The following DOCK11 variants were observed in gnomAD, a reference collection of about 807,000 sequenced individuals.
The protein encoded by DOCK11 is dedicator of cytokinesis protein 11.
DOCK11 carries 70 observed loss-of-function variants against 169.1 expected under a neutral mutation model. That is an observed-to-expected ratio of 0.41 (90% CI 0.34 to 0.51). The LOEUF is 0.51. Ranked by LOEUF, DOCK11 falls within the 20% of genes least tolerant of loss-of-function variation. DOCK11 has a pLI of 0.10. For missense variants in DOCK11, 1,166 were observed against 1,538.8 expected, an observed-to-expected ratio of 0.76 and a Z score of 4.05; for synonymous variants, 529 against 541.3, an observed-to-expected ratio of 0.98 and a Z score of 0.32.
At chrX:118,594,791 G>A (rs1398646342) in intron 20 of DOCK11, among the ~76,000 whole-genome samples, 2 of 111,590 alleles carry the variant, frequency 1.8e-5, no homozygotes, top group Admixed American at 9.6e-5. Flanking sequence ...AATCAGAGAA[G>A]GCTTCTAGGA....
chrX:118,637,530 C>G (rs139426890), intron 36 of DOCK11, among the ~76,000 whole-genome samples: 6,639 of 111,284 alleles, frequency 0.06, 182 homozygotes, highest in Non-Finnish European at 0.081. Flanking sequence ...GAAGCTGAGG[C>G]AGGAGGATCA....
intron 1 of DOCK11, among the ~76,000 whole-genome samples, chrX:118,524,244 C>T (rs1364718973): frequency 8.9e-6 from 1 of 111,907 alleles, no homozygotes; most frequent in Non-Finnish European, 1.9e-5. Context: ...GAGAATACCT[C>T]AGTTCTTGTT....
chrX:118,590,212 T>C lies in DOCK11; in HGVS notation c.2049T>C (p.Cys683=), dbSNP rs1027040279. 1 of 1,203,758 alleles carries C rather than the reference T, an allele frequency of 8.3e-7. No homozygotes were observed. The highest frequency in any genetic ancestry group is 1.8e-5 in the African/African-American group (1 of 57,128). The change falls in exon 19 of 53, where the codon TGT becomes TGC. Residue 683 remains cysteine, a splice_region_variant and synonymous_variant. Transcript: ENST00000276202. The part of the protein sequence containing the change: ...SDESDASALK[C]IYGKPAGSVF... ...GACTCTGTTTCTTTCTTTTGCAGTG[T>C]ATTTATGGAAAACCTGCAGGGTCTG...
intron 30 of DOCK11, among the ~76,000 whole-genome samples, chrX:118,616,532 T>TG (rs200273768): frequency 0.012 from 1,284 of 110,986 alleles, 19 homozygotes; most frequent in African/African-American, 0.04. Flanking sequence ...TACTTGTTTT[T>TG]TTTTTGTTTT....
intron 16 of DOCK11, among the ~76,000 whole-genome samples, chrX:118,585,849 C>T (rs749552981): frequency 9.6e-4 from 107 of 111,516 alleles, no homozygotes; most frequent in Non-Finnish European, 1.6e-3. Flanking sequence ...ATAGAAGACA[C>T]AAAACACAAT....
At chrX:118,602,096 T>TC (rs1433916491) in intron 23 of DOCK11, among the ~76,000 whole-genome samples, 1 of 90,150 alleles carries the variant, frequency 1.1e-5, no homozygotes, top group Non-Finnish European at 2.1e-5. Flanking sequence ...GGCCAAGACT[T>TC]TTTTTTTTTT....
chrX:118,521,406 C>T (rs926992298), intron 1 of DOCK11, among the ~76,000 whole-genome samples: 1 of 112,513 alleles, frequency 8.9e-6, no homozygotes, highest in African/African-American at 3.2e-5. Flanking sequence ...AATTCACCTC[C>T]GTGTGTAGTT....
intron 40 of DOCK11, among the ~76,000 whole-genome samples, chrX:118,648,155 A>G (rs1422491342): frequency 1.7e-5 from 1 of 60,548 alleles, no homozygotes; most frequent in Non-Finnish European, 2.7e-5. Flanking sequence ...ATTAATATAT[A>G]ATAATATAAT....
chrX:118,573,685 T>G, intron 11 of DOCK11, 121 bp from the exon 12 acceptor site: 2 of 552,986 alleles, frequency 3.6e-6, no homozygotes, highest in South Asian at 6.5e-5. Flanking sequence ...AGTGTTGAAC[T>G]CAGAAAGGAA....
At chrX:118,552,123 C>A (rs956627330) in intron 6 of DOCK11, among the ~76,000 whole-genome samples, 1 of 108,949 alleles carries the variant, frequency 9.2e-6, no homozygotes, top group Admixed American at 9.9e-5. Flanking sequence ...AAAAATAAAA[C>A]GAAGGAAAGA....
intron 40 of DOCK11, among the ~76,000 whole-genome samples, chrX:118,647,056 G>C (rs780774449): frequency 9.1e-6 from 1 of 109,488 alleles, no homozygotes; most frequent in Admixed American, 9.9e-5. Flanking sequence ...CAGGCCACTT[G>C]TCTCTTTTGA....
chrX:118,504,009 G>T (rs1339853977), intron 1 of DOCK11, among the ~76,000 whole-genome samples: 3 of 110,612 alleles, frequency 2.7e-5, no homozygotes, highest in Non-Finnish European at 3.8e-5. Flanking sequence ...CTGCTCAGGT[G>T]CTCAGGAAGA....
chrX:118,679,665 G>GGAGGCT (rs2016693123), intron 48 of DOCK11, among the ~76,000 whole-genome samples: 2 of 111,171 alleles, frequency 1.8e-5, no homozygotes, highest in African/African-American at 6.5e-5. Context: ...CTTGAGCCCA[G>GGAGGCT]GAGGCTGAGG....
Position 118,683,033 on chromosome X carries a change from C to T in DOCK11, c.5964-46C>T, listed in dbSNP as rs777765417. The T allele has an allele frequency of 6.9e-6, 8 of 1,154,772 alleles. No homozygotes were observed. In the East Asian group the frequency reaches 2.5e-4, roughly 35 times the overall value. ...ATCAAATGGATTGTCAGTGATACTT[C>T]CTAAGAATAAATAACAAGACCTTTA... On this transcript the variant is annotated intron_variant, in intron 51 of 52. Coordinates refer to ENST00000276202, the MANE Select transcript of DOCK11 (RefSeq NM_144658.4).
Position 118,503,043 on chromosome X carries a change from T to A in DOCK11, c.102+6970T>A, listed in dbSNP as rs182262447. On this transcript the variant is annotated intron_variant, in intron 1 of 52. Coordinates refer to ENST00000276202, the MANE Select transcript of DOCK11 (RefSeq NM_144658.4). ...GGCCAGGAAATGACTTAAAATACAG[T>A]TAATATAGTTCTGGAGAGAGATAAC... Among the ~76,000 whole-genome samples, 24 of 106,660 alleles carry A rather than the reference T, an allele frequency of 2.3e-4. No homozygotes were observed. The East Asian group carries it at 6.4e-3, about 29-fold the overall frequency. The allele number at this position is 106,660 out of a possible 115,157, so 92.6% of individuals were successfully genotyped here. A position where few individuals can be genotyped will look rare whatever the true frequency, so the allele number is the denominator to read the frequency against.
At position 118,495,981 on chromosome X, in the gene DOCK11, G is replaced by A. The variant is rs1418145060; in HGVS notation, c.10G>A (p.Val4Met). The A allele has an allele frequency of 1.8e-6, 2 of 1,088,540 alleles. No homozygotes were observed. The highest frequency in any genetic ancestry group is 4.2e-5 in the South Asian group (2 of 47,438). The allele number at this position is 1,088,540 out of a possible 1,213,427, so 89.7% of individuals were successfully genotyped here. ...GCCCGCCGCCGCTGCCATGGCCGAAGTGCGCAAATTCACCAAACGGCTCAG... is the reference window on the plus strand; with the variant it reads ...GCCCGCCGCCGCTGCCATGGCCGAAATGCGCAAATTCACCAAACGGCTCAG... The part of the protein sequence containing the change: MAE[V>M]RKFTKRLSKP... Residue 4 changes from valine (V) to methionine (M), a missense_variant, in exon 1 of 53, where the codon GTG becomes ATG. Physicochemically the swap from Val to Met is conservative, Grantham distance 21. Coordinates refer to ENST00000276202, the MANE Select transcript of DOCK11 (RefSeq NM_144658.4).
chrX:118,598,966 A>C (rs1055154385), intron 22 of DOCK11, among the ~76,000 whole-genome samples, 173 bp from the exon 23 acceptor site: 8 of 111,995 alleles, frequency 7.1e-5, no homozygotes, highest in African/African-American at 2.6e-4. Flanking sequence ...GCTTGTGTAC[A>C]TGGCAGATTT....
chrX:118,643,181 G>C (rs770705234), intron 39 of DOCK11, among the ~76,000 whole-genome samples: 10 of 111,182 alleles, frequency 9.0e-5, no homozygotes, highest in Non-Finnish European at 1.9e-4. Context: ...TAGGTTAATA[G>C]AAAATACTCT....
At chrX:118,527,843 C>G (rs1361247067) in intron 1 of DOCK11, among the ~76,000 whole-genome samples, 5 of 112,022 alleles carry the variant, frequency 4.5e-5, no homozygotes, top group African/African-American at 1.3e-4. Flanking sequence ...AAAAGATGTA[C>G]ATATAGCACC....
Sources: allele counts gnomAD v4.1 joint callset (sites outside exome capture counted in the v4.1 genomes callset), GRCh38; gene constraint gnomAD v4.1.1; transcripts MANE v1.5; gene names NCBI Gene and HGNC (gene_info 2026-07-23, HGNC 2026-07-21).